PDE4B: variants seen among roughly 807,000 people sequenced by gnomAD.
PDE4B encodes 3',5'-cyclic-AMP phosphodiesterase 4B.
Under a neutral mutation model 82.2 loss-of-function variants are expected in PDE4B, and 20 were observed. The observed-to-expected ratio is 0.24, with a 90% CI of 0.17 to 0.35. The LOEUF is 0.35. PDE4B is among the 10% of genes least tolerant of loss of function. The probability of loss-of-function intolerance (pLI) is 1.00; values close to 1 mark genes in which losing one functional copy is unlikely to be tolerated. For missense variants in PDE4B, 655 were observed against 907.2 expected (o/e 0.72, Z 3.57); for synonymous variants, 320 against 318.9 (o/e 1.00, Z -0.04).
chr1:66,133,755 A>T (rs538980705), intron 3 of PDE4B, among the ~76,000 whole-genome samples: 1 of 152,248 alleles, frequency 6.6e-6, no homozygotes, highest in East Asian at 1.9e-4. Context: ...GTGTCTTGCT[A>T]CCTTCTCAAT....
In PDE4B at chr1:65,853,234, T is replaced by C. The variant is rs142436356; in HGVS notation, c.-71+59986T>C. ...TACAATTTTTGTGGTATATCTTTTT[T>C]GTCATTTCCTTATAATGTATCTATA... On this transcript the variant is annotated intron_variant, in intron 1 of 16. Transcript: ENST00000341517. Among the ~76,000 whole-genome samples the C allele has an allele frequency of 2.7e-3, 415 of 152,246 alleles. 3 individuals are homozygous for C. The highest frequency in any genetic ancestry group is 9.4e-3 in the African/African-American group (390 of 41,566).
chr1:66,199,368 T>G (rs1039264252), intron 3 of PDE4B, among the ~76,000 whole-genome samples: 5 of 152,228 alleles, frequency 3.3e-5, no homozygotes, highest in African/African-American at 1.2e-4. Flanking sequence ...CCAGTGATGA[T>G]GAGCATTTTT....
At chr1:66,202,033 T>C (rs1198381915) in intron 3 of PDE4B, among the ~76,000 whole-genome samples, 4 of 152,200 alleles carry the variant, frequency 2.6e-5, no homozygotes, top group African/African-American at 9.7e-5. Context: ...TCCCACAGAT[T>C]CTGGTATGTT....
chr1:65,950,062 A>G (rs747895492), intron 3 of PDE4B, among the ~76,000 whole-genome samples: 20 of 152,052 alleles, frequency 1.3e-4, no homozygotes, highest in Non-Finnish European at 2.2e-4. Flanking sequence ...TTTTATTTAA[A>G]TAGTGCCTAG....
At chr1:66,170,174 C>T (rs116550741) in intron 3 of PDE4B, among the ~76,000 whole-genome samples, 1 of 152,014 alleles carries the variant, frequency 6.6e-6, no homozygotes, top group Non-Finnish European at 1.5e-5. Flanking sequence ...CAACAACATT[C>T]GTGGATATGG....
In PDE4B at chr1:66,320,429, T is replaced by G. The variant is rs556009203; in HGVS notation, c.635-12079T>G. 1.2e-4 allele frequency among the ~76,000 whole-genome samples: 18 copies of G among 152,220 alleles called. No homozygotes were observed. The East Asian group carries it at 3.3e-3, about 28-fold the overall frequency. On this transcript the variant is annotated intron_variant, in intron 7 of 16. Transcript: ENST00000341517. ...CCAGCCTAGAAATCTAATCAACACA[T>G]GAATGCAAAAGAAAGATAGAGCTGA...
chr1:65,872,622 TA>T lies in PDE4B; in HGVS notation c.-70-40620del, dbSNP rs575137906. Among the ~76,000 whole-genome samples, 118 of 152,312 alleles carry T rather than the reference TA, an allele frequency of 7.7e-4. 1 individual carries two copies. The highest frequency in any genetic ancestry group is 9.7e-4 in the Non-Finnish European group (66 of 68,028). ...AGCAGCTATTAAGCATCACAATTTT[TA>T]AAGGAGGACAGAATGACAGTGTTAA... On this transcript the variant is annotated intron_variant, in intron 1 of 16. Transcript: ENST00000341517.
chr1:66,006,674 G>A (rs1652167682), intron 3 of PDE4B, among the ~76,000 whole-genome samples: 1 of 152,086 alleles, frequency 6.6e-6, no homozygotes, highest in Non-Finnish European at 1.5e-5. Flanking sequence ...TTGAATCATG[G>A]AGGAGGTTCC....
Position 66,361,640 on chromosome 1 carries a change from A to G in PDE4B, c.867A>G (p.Pro289=), listed in dbSNP as rs776217799. 1.2e-6 allele frequency: 2 copies of G among 1,613,396 alleles called. No individual in the cohort carries two copies. Among genetic ancestry groups the G allele is most frequent in the Non-Finnish European group, 1.7e-6 (2 of 1,179,532 alleles). The change falls in exon 10 of 17, where the codon CCA becomes CCG. Residue 289 remains proline, a synonymous_variant. Transcript: ENST00000341517. ...ACAAGCAGAATGATGTGGAGATCCC[A>G]TCTCCTACCCAGAAAGACAGGGAGA... ...FLDKQNDVEI[P]SPTQKDREKK...
Position 66,215,922 on chromosome 1 carries a change from G to A in PDE4B, c.282-31538G>A, listed in dbSNP as rs919846867. On this transcript the variant is annotated intron_variant, in intron 3 of 16. Coordinates refer to ENST00000341517, the MANE Select transcript of PDE4B (RefSeq NM_002600.4). Reference sequence around the variant, plus strand: ...CCAAATGTTGAGCCAGTGGTGAGGGGAAGCATGACATTTGGTATGAGATTG... The same window carrying A: ...CCAAATGTTGAGCCAGTGGTGAGGGAAAGCATGACATTTGGTATGAGATTG... 5.3e-5 allele frequency among the ~76,000 whole-genome samples: 8 copies of A among 152,268 alleles called. No individual in the cohort carries two copies. The South Asian group carries it at 8.3e-4, about 16-fold the overall frequency.
chr1:65,951,189 G>T (rs561187390), intron 3 of PDE4B, among the ~76,000 whole-genome samples: 1 of 152,206 alleles, frequency 6.6e-6, no homozygotes, highest in African/African-American at 2.4e-5. Context: ...TATAATGGTT[G>T]CAGTGAGGGA....
chr1:66,086,472 T>C (rs2100977031), intron 3 of PDE4B, among the ~76,000 whole-genome samples: 1 of 152,262 alleles, frequency 6.6e-6, no homozygotes, highest in East Asian at 1.9e-4. Context: ...CAACTATTCT[T>C]TACATTTCTG....
chr1:65,939,701 A>G (rs1265996535), intron 3 of PDE4B, among the ~76,000 whole-genome samples: 3 of 152,118 alleles, frequency 2.0e-5, no homozygotes, highest in Admixed American at 2.0e-4. Context: ...TGAGTCTCTT[A>G]AGCTTAATAT....
intron 8 of PDE4B, among the ~76,000 whole-genome samples, chr1:66,344,575 T>C (rs1026402240): frequency 5.9e-5 from 9 of 152,202 alleles, no homozygotes; most frequent in Admixed American, 2.0e-4. Context: ...CAAGACTCTT[T>C]AGGGCCTTTA....
intron 3 of PDE4B, among the ~76,000 whole-genome samples, chr1:66,117,150 T>C (rs1378142463): frequency 6.6e-6 from 1 of 152,220 alleles, no homozygotes; most frequent in Non-Finnish European, 1.5e-5. Flanking sequence ...AATTATTGAA[T>C]GTGGACTGCA....
At position 66,340,978 on chromosome 1, in the gene PDE4B, T is replaced by A. The variant is rs569450595; in HGVS notation, c.747+8358T>A. Among the ~76,000 whole-genome samples the A allele has an allele frequency of 2.2e-4, 34 of 152,258 alleles. No individual in the cohort carries two copies. In the South Asian group the frequency reaches 6.2e-3, roughly 28 times the overall value. ...GTCACTATTGATGAAATTTGATAAA[T>A]CAAACCAAAAAAGATCTAAACATTT... On this transcript the variant is annotated intron_variant, in intron 8 of 16. Transcript: ENST00000341517.
intron 3 of PDE4B, chr1:65,993,168 C>CA: frequency 6.5e-7 from 1 of 1,530,918 alleles, no homozygotes; most frequent in Non-Finnish European, 8.9e-7. Flanking sequence ...GAGGTATCTA[C>CA]AGTGCTTTTC....
At chr1:66,366,247 G>A (rs1407562134) in intron 13 of PDE4B, among the ~76,000 whole-genome samples, 1 of 152,124 alleles carries the variant, frequency 6.6e-6, no homozygotes, top group African/African-American at 2.4e-5. Context: ...CCACAGTTCA[G>A]AAGGAAGGGT....
chr1:66,008,970 C>T (rs927539525), intron 3 of PDE4B, among the ~76,000 whole-genome samples: 5 of 152,072 alleles, frequency 3.3e-5, no homozygotes, highest in Admixed American at 3.3e-4. Context: ...TATGCTGATG[C>T]TTCCCAAATT....
Sources: gnomAD v4.1 joint callset for allele counts (sites outside exome capture counted in the v4.1 genomes callset) on GRCh38, gnomAD v4.1.1 for gene constraint, MANE v1.5 for transcripts, NCBI Gene and HGNC (gene_info 2026-07-23, HGNC 2026-07-21) for gene names.